The following RALGPS1 variants were observed in gnomAD, a reference collection of about 807,000 sequenced individuals.
RALGPS1 encodes the protein ras-specific guanine nucleotide-releasing factor RalGPS1.
Under a neutral mutation model 78.8 loss-of-function variants are expected in RALGPS1, and 19 were observed. The observed-to-expected ratio is 0.24, with a 90% CI of 0.17 to 0.35. RALGPS1 has a LOEUF of 0.35. RALGPS1 is among the 10% of genes least tolerant of loss of function. The pLI, the probability that RALGPS1 is intolerant of heterozygous loss-of-function variation, is 1.00. For synonymous variants in RALGPS1, 228 were observed against 256.3 expected (o/e 0.89, Z 1.06); for missense variants, 454 against 688.3 (o/e 0.66, Z 3.81).
rs1028644567 is a variant in RALGPS1, at chr9:127,091,526, G to A, written c.610+22170G>A. 2.5e-5 allele frequency: 28 copies of A among 1,123,120 alleles called. No individual in the cohort carries two copies. Among genetic ancestry groups the A allele is most frequent in the Non-Finnish European group, 3.5e-5 (28 of 789,752 alleles). The allele number at this position is 1,123,120 out of a possible 1,614,324, so 69.6% of individuals were successfully genotyped here. On this transcript the variant is annotated intron_variant, in intron 8 of 18. Coordinates refer to ENST00000259351, the MANE Select transcript of RALGPS1 (RefSeq NM_014636.3). The surrounding 1 kb of genome is among the most constrained non-coding windows in gnomAD (Gnocchi z 4.3). The stretch of plus-strand genomic sequence containing the variant: ...TGTGGGCAGGAGAAGGGACCCTCAG[G>A]GGGTGGTAACAGGGTCAGGCAGCTT...
intron 4 of RALGPS1, chr9:126,978,071 T>C (rs894517454): frequency 9.1e-6 from 2 of 219,336 alleles, no homozygotes; most frequent in Non-Finnish European, 1.8e-5. Flanking sequence ...CAAGAAGTGA[T>C]GTGAGGGAAC....
chr9:127,178,307 A>G (rs2060001895), intron 11 of RALGPS1: 1 of 370,430 alleles, frequency 2.7e-6, no homozygotes, highest in African/African-American at 2.1e-5. Flanking sequence ...CCTCCCCCGA[A>G]CAGAAGTGGC....
At chr9:127,179,500 C>T (rs2060084315) in intron 11 of RALGPS1, among the ~76,000 whole-genome samples, 1 of 152,214 alleles carries the variant, frequency 6.6e-6, no homozygotes, top group South Asian at 2.1e-4. Context: ...TCCCTGGCTC[C>T]TCAGGAGGGG....
At chr9:127,077,854 T>C (rs1457283525) in intron 8 of RALGPS1, among the ~76,000 whole-genome samples, 1 of 152,234 alleles carries the variant, frequency 6.6e-6, no homozygotes, top group Non-Finnish European at 1.5e-5. Flanking sequence ...CAGTTGGACC[T>C]GTGTGGAACC....
chr9:127,118,929 T>G (rs2137589021), intron 8 of RALGPS1, among the ~76,000 whole-genome samples: 1 of 152,348 alleles, frequency 6.6e-6, no homozygotes, highest in East Asian at 1.9e-4. Context: ...TGCTCGTGTG[T>G]GGCCCAGTGT....
At chr9:127,059,829 ACT>A (rs1230403388) in intron 7 of RALGPS1, among the ~76,000 whole-genome samples, 1 of 151,660 alleles carries the variant, frequency 6.6e-6, no homozygotes, top group Non-Finnish European at 1.5e-5. Context: ...GTGCCAGAAG[ACT>A]CTCTTAACAG....
At chr9:127,200,601 G>A (rs1564782685) in intron 14 of RALGPS1, among the ~76,000 whole-genome samples, 1 of 152,224 alleles carries the variant, frequency 6.6e-6, no homozygotes. Context: ...GGGGGTTGGT[G>A]GGGGAGTGGC....
At chr9:126,972,983 A>G (rs1253153298) in intron 3 of RALGPS1, among the ~76,000 whole-genome samples, 2 of 151,876 alleles carry the variant, frequency 1.3e-5, no homozygotes. Context: ...AATCGCTTGA[A>G]CCCAGGAGGT....
chr9:127,090,778 G>C (rs550191471), intron 8 of RALGPS1, among the ~76,000 whole-genome samples: 2 of 152,348 alleles, frequency 1.3e-5, no homozygotes, highest in Non-Finnish European at 2.9e-5. Flanking sequence ...TCGGCCGTCA[G>C]GTGGTGCCAG....
intron 3 of RALGPS1, among the ~76,000 whole-genome samples, chr9:126,972,804 C>G (rs2040244620): frequency 6.6e-6 from 1 of 152,208 alleles, no homozygotes; most frequent in South Asian, 2.1e-4. Context: ...TGGCTCACAC[C>G]TGTAATCCCA....
At chr9:127,187,389 A>G (rs1022807159) in intron 11 of RALGPS1, among the ~76,000 whole-genome samples, 2 of 152,156 alleles carry the variant, frequency 1.3e-5, no homozygotes, top group African/African-American at 2.4e-5. Context: ...AGCCACCACA[A>G]GAGTGCGGCA....
chr9:127,099,183 A>G (rs774043416), intron 8 of RALGPS1, among the ~76,000 whole-genome samples: 1 of 152,060 alleles, frequency 6.6e-6, no homozygotes, highest in African/African-American at 2.4e-5. Context: ...GAATTTGACC[A>G]CCTTAGGCCA....
intron 8 of RALGPS1, among the ~76,000 whole-genome samples, chr9:127,126,946 A>G (rs968995370): frequency 1.3e-5 from 2 of 152,216 alleles, no homozygotes; most frequent in Non-Finnish European, 2.9e-5. Context: ...GATACATGAA[A>G]GACATTCTGT....
intron 8 of RALGPS1, among the ~76,000 whole-genome samples, chr9:127,137,687 AT>A (rs1456681865): frequency 6.6e-6 from 1 of 152,104 alleles, no homozygotes; most frequent in Non-Finnish European, 1.5e-5. Context: ...CCCTTCTTTC[AT>A]TTAAGAAGTA....
At chr9:127,050,169 C>A in intron 6 of RALGPS1, 37 bp downstream of exon 6, 1 of 1,495,948 alleles carries the variant, frequency 6.7e-7, no homozygotes, top group Non-Finnish European at 9.3e-7. Flanking sequence ...TCCTTTCCCT[C>A]TTCTCTCCCA....
rs116838471 is a variant in RALGPS1, at chr9:127,013,166, C to T, written c.217-21265C>T. Among the ~76,000 whole-genome samples the T allele has an allele frequency of 6.2e-3, 949 of 152,212 alleles. 7 individuals carry two copies. Among genetic ancestry groups the T allele is most frequent in the African/African-American group, 0.022 (908 of 41,536 alleles). ...GGTAAGGCAGTTGGGAAGAAAGTGG[C>T]CATGTACAGGGACCAGTGAGCAGAT... On this transcript the variant is annotated intron_variant, in intron 4 of 18. Coordinates refer to ENST00000259351, the MANE Select transcript of RALGPS1 (RefSeq NM_014636.3).
At chr9:127,156,979 G>T (rs868431233) in intron 8 of RALGPS1, among the ~76,000 whole-genome samples, 1 of 151,988 alleles carries the variant, frequency 6.6e-6, no homozygotes, top group Non-Finnish European at 1.5e-5. Context: ...TTGAAGGATT[G>T]TTCCTTTTCC....
In RALGPS1 at chr9:127,196,561, A is replaced by G. The variant is rs894627795; in HGVS notation, c.1125A>G (p.Leu375=). 3 of 1,614,168 alleles carry G rather than the reference A, an allele frequency of 1.9e-6. No homozygotes were observed. Among genetic ancestry groups the G allele is most frequent in the Admixed American group, 1.7e-5 (1 of 60,022 alleles). Residue 375 remains leucine, a synonymous_variant, in exon 13 of 19, where the codon CTA becomes CTG. Transcript: ENST00000259351. ...KARHLLDDSV[L]ESRSPRRGLA... is the part of the protein sequence containing the mutation. ...GGCACCTACTGGACGACAGTGTCCT[A>G]GAGTCCCGCAGCCCCCGAAGGGGCC... is the stretch of plus-strand genomic sequence containing the variant.
Position 127,212,785 on chromosome 9 carries a change from G to A in RALGPS1, c.1446+66G>A. The A allele has an allele frequency of 6.5e-7, 1 of 1,528,306 alleles. No homozygotes were observed. Among genetic ancestry groups the A allele is most frequent in the South Asian group, 1.2e-5 (1 of 86,934 alleles). 94.7% of individuals were successfully genotyped at this position (1,528,306 alleles called of 1,614,324 possible). ...AGTGGGGAAGGGACCTCTGTGAACT[G>A]TGGAGGATGGGGGTGGGAAAGGGAT... On this transcript the variant is annotated intron_variant, in intron 16 of 18. Coordinates refer to ENST00000259351, the MANE Select transcript of RALGPS1 (RefSeq NM_014636.3). The surrounding 1 kb of genome is among the most constrained non-coding windows in gnomAD (Gnocchi z 6.0).
Sources: gnomAD v4.1 joint callset for allele counts (sites outside exome capture counted in the v4.1 genomes callset) on GRCh38, gnomAD v4.1.1 for gene constraint, Gnocchi (gnomAD v3.1) non-coding constraint, MANE v1.5 for transcripts, NCBI Gene and HGNC (gene_info 2026-07-23, HGNC 2026-07-21) for gene names.